The following LRRC71 variants were observed in gnomAD, a reference collection of about 807,000 sequenced individuals.
LRRC71 encodes the protein leucine-rich repeat-containing protein 71.
In LRRC71, 54 loss-of-function variants were observed where a neutral mutation model predicts 66.6. The observed-to-expected ratio is 0.81, with a 90% CI of 0.65 to 1.02. The LOEUF is 1.02. Among genes scored for constraint, LRRC71 ranks in the 50% least tolerant of loss-of-function variants. The pLI is 0.00. For synonymous variants in LRRC71, 323 were observed against 303.9 expected (o/e 1.06, Z -0.65); for missense variants, 724 against 718.0 (o/e 1.01, Z -0.10).
At chr1:156,932,656 A>T (rs1270788433) in intron 14 of LRRC71, 111 bp downstream of exon 14, 2 of 1,608,910 alleles carry the variant, frequency 1.2e-6, no homozygotes, top group South Asian at 2.2e-5. Flanking sequence ...GAAGGTCTGT[A>T]GTTTCTCTGC....
intron 5 of LRRC71, among the ~76,000 whole-genome samples, chr1:156,926,041 T>A (rs888336825): frequency 6.6e-6 from 1 of 152,230 alleles, no homozygotes; most frequent in African/African-American, 2.4e-5. Context: ...TAAGAAATCA[T>A]GGGAGCAAAT....
At chr1:156,928,851 G>A (rs1297486502) in intron 9 of LRRC71, among the ~76,000 whole-genome samples, 2 of 152,014 alleles carry the variant, frequency 1.3e-5, no homozygotes, top group Non-Finnish European at 2.9e-5. Context: ...GATTACAGGC[G>A]TGAGCCACTG....
At chr1:156,926,477 C>T (rs553608078) in intron 5 of LRRC71, among the ~76,000 whole-genome samples, 25 of 152,270 alleles carry the variant, frequency 1.6e-4, no homozygotes, top group South Asian at 4.1e-4. Context: ...CGGAAGCCAC[C>T]GCCTTTGTAG....
At chr1:156,936,323 C>T, downstream of LRRC71, 8 of 629,918 alleles carry the variant, frequency 1.3e-5, no homozygotes, top group Non-Finnish European at 2.1e-5. Flanking sequence ...CAGTGTGGTT[C>T]TGAATCATTT....
In LRRC71 at chr1:156,929,404, T is replaced by C. The variant is rs779631404; in HGVS notation, c.1121T>C (p.Leu374Pro). Residue 374 changes from leucine (L) to proline (P), a missense_variant, in exon 10 of 15, where the codon CTG becomes CCG. Transcript: ENST00000337428. ...CAGACAATGAAAACCCCTAAGGGCCTGGGCAAGAAAAAGGAGAAATCATGG... is the reference window on the plus strand; with the variant it reads ...CAGACAATGAAAACCCCTAAGGGCCCGGGCAAGAAAAAGGAGAAATCATGG... ...KTQTMKTPKG[L>P]GKKKEKSWEL... 1 of 1,613,830 alleles carries C rather than the reference T, an allele frequency of 6.2e-7. No homozygotes were observed. Among genetic ancestry groups the C allele is most frequent in the Non-Finnish European group, 8.5e-7 (1 of 1,179,864 alleles).
In LRRC71 at chr1:156,932,848, T is replaced by C; in HGVS notation, c.1564-5T>C. On this transcript the variant is annotated splice_polypyrimidine_tract_variant and splice_region_variant and intron_variant, in intron 14 of 14. Transcript: ENST00000337428. ...GTCAGATGTCAGCCTTCCTTTTCTT[T>C]TCAGAAAAATTGCTTCGCCCCACAA... The C allele has an allele frequency of 6.2e-7, 1 of 1,606,280 alleles. No individual in the cohort carries two copies. The highest frequency in any genetic ancestry group is 8.5e-7 in the Non-Finnish European group (1 of 1,176,602).
At chr1:156,935,833 A>T, downstream of LRRC71, 1 of 723,486 alleles carries the variant, frequency 1.4e-6, no homozygotes, top group Non-Finnish European at 2.3e-6. Context: ...CGACTTGAGC[A>T]GACCAAGCAA....
Position 156,924,425 on chromosome 1 carries a change from C to A in LRRC71, c.312C>A (p.Asp104Glu), listed in dbSNP as rs760510046. ...TCCCTCCTCACCTCTGCCTTCCAGA[C>A]GATCCGCGGCTGTCGGGGTCCTGCA... ...SASLSEKATL[D>E]DPRLSGSCSL... is the part of the protein sequence containing the mutation. The change falls in exon 3 of 15, where the codon GAC (aspartate) becomes GAA (glutamate). Residue 104 changes from aspartate to glutamate, a missense_variant and splice_region_variant. Transcript: ENST00000337428. 2.6e-6 allele frequency: 4 copies of A among 1,550,028 alleles called. No individual in the cohort carries two copies. The highest frequency in any genetic ancestry group is 3.5e-6 in the Non-Finnish European group (4 of 1,146,888).
At chr1:156,930,714 C>A in intron 12 of LRRC71, 97 bp downstream of exon 12, 1 of 1,133,750 alleles carries the variant, frequency 8.8e-7, no homozygotes, top group Non-Finnish European at 1.3e-6. Context: ...ATGTGGTCTC[C>A]AGCCCCATGC....
chr1:156,937,588 G>A, downstream of LRRC71: 1 of 1,376,740 alleles, frequency 7.3e-7, no homozygotes. Context: ...CCACCTGACA[G>A]AGCAGGCCAG....
At chr1:156,924,824 G>A in intron 4 of LRRC71, 106 bp downstream of exon 4, 6 of 1,489,252 alleles carry the variant, frequency 4.0e-6, no homozygotes, top group South Asian at 3.6e-5. Context: ...CGACGGTGGG[G>A]AGGTCGGGGG....
chr1:156,940,470 G>A, the LRRC71 span: 433 of 1,544,982 alleles, frequency 2.8e-4, no homozygotes, highest in Middle Eastern at 5.5e-3. Flanking sequence ...AAGGGAGAGG[G>A]CACGTATGGG....
chr1:156,940,125 T>C, the LRRC71 span: 2 of 1,466,204 alleles, frequency 1.4e-6, no homozygotes, highest in Non-Finnish European at 1.8e-6. Context: ...TTCGGGAAGG[T>C]GGAGGGTGCA....
rs1653932455 is a variant in LRRC71, at chr1:156,929,433, G to C, written c.1146+4G>C. The C allele has an allele frequency of 6.2e-7, 1 of 1,613,858 alleles. No individual in the cohort carries two copies. The highest frequency in any genetic ancestry group is 2.2e-5 in the East Asian group (1 of 44,876). On this transcript the variant is annotated splice_donor_region_variant and intron_variant, in intron 10 of 14. Transcript: ENST00000337428. Reference sequence around the variant, plus strand: ...CAAGAAAAAGGAGAAATCATGGGTAGGTGTGCAATGGGACAGATCCTGGGT... The same window carrying C: ...CAAGAAAAAGGAGAAATCATGGGTACGTGTGCAATGGGACAGATCCTGGGT...
At chr1:156,921,846 C>G (rs571270468) in intron 1 of LRRC71, among the ~76,000 whole-genome samples, 3 of 151,610 alleles carry the variant, frequency 2.0e-5, no homozygotes, top group Non-Finnish European at 2.9e-5. Context: ...AGTCTGGGGA[C>G]AGTGGGAGTT....
At position 156,924,984 on chromosome 1, in the gene LRRC71, G is replaced by T; in HGVS notation, c.562G>T (p.Glu188Ter). 1 of 1,551,614 alleles carries T rather than the reference G, an allele frequency of 6.4e-7. No homozygotes were observed. Among genetic ancestry groups the T allele is most frequent in the South Asian group, 1.2e-5 (1 of 84,052 alleles). ...LTDKTLTTFIELLPLCSSTLR... is the reference protein window; with the variant it reads ...LTDKTLTTFI ...CGATAAGACCCTGACCACCTTCATC[G>T]AGCTCCTGCCTCTCTGTTCATCCAC... is the stretch of plus-strand genomic sequence containing the variant. The change falls in exon 5 of 15, where the codon GAG (glutamate) becomes TAG (stop). Residue 188 changes from glutamate (E) to a stop codon, truncating the protein, a stop_gained. Transcript: ENST00000337428. LOFTEE classifies it high-confidence loss of function.
intron 8 of LRRC71, 27 bp downstream of exon 8, chr1:156,927,843 G>A: frequency 6.2e-7 from 1 of 1,612,244 alleles, no homozygotes; most frequent in Non-Finnish European, 8.5e-7. Context: ...GGTGGGGCAG[G>A]GGCGTGGGCG....
At chr1:156,923,804 T>C (rs1335199644) in intron 1 of LRRC71, 145 bp from the exon 2 acceptor site, 8 of 839,910 alleles carry the variant, frequency 9.5e-6, no homozygotes, top group Non-Finnish European at 8.8e-6. Flanking sequence ...ATCAAGTGTT[T>C]TCAGCGTCCG....
the LRRC71 span, chr1:156,938,703 G>A: frequency 2.3e-5 from 12 of 519,012 alleles, no homozygotes; most frequent in East Asian, 9.7e-5. Flanking sequence ...CCAATTCACC[G>A]AGAGACAGAG....
Sources: allele counts gnomAD v4.1 joint callset (sites outside exome capture counted in the v4.1 genomes callset), GRCh38; gene constraint gnomAD v4.1.1; transcripts MANE v1.5; gene names NCBI Gene and HGNC (gene_info 2026-07-23, HGNC 2026-07-21).